PARD3: variants seen among roughly 807,000 people sequenced by gnomAD.
PARD3 encodes the protein partitioning defective 3 homolog.
In PARD3, 75 loss-of-function variants were observed where a neutral mutation model predicts 155.4. That is an observed-to-expected ratio of 0.48 (90% CI 0.40 to 0.58). The LOEUF (loss-of-function observed/expected upper bound fraction) is 0.58, where lower values mean the gene tolerates loss of function less well. Ranked by LOEUF, PARD3 falls within the 20% of genes least tolerant of loss-of-function variation. The pLI is 0.00. For synonymous variants in PARD3, 576 were observed against 610.5 expected (o/e 0.94, Z 0.83); for missense variants, 1,642 against 1,721.7 (o/e 0.95, Z 0.82).
At chr10:34,242,205 T>C (rs1953648280) in intron 22 of PARD3, among the ~76,000 whole-genome samples, 1 of 152,212 alleles carries the variant, frequency 6.6e-6, no homozygotes, top group Admixed American at 6.5e-5. Flanking sequence ...CTTTATGTTT[T>C]TATGCATGCT....
Position 34,354,772 on chromosome 10 carries a change from C to T in PARD3, c.2067+4375G>A, listed in dbSNP as rs73256796. Among the ~76,000 whole-genome samples the T allele has an allele frequency of 3.7e-3, 560 of 152,180 alleles. 1 individual carries two copies. The highest frequency in any genetic ancestry group is 0.013 in the African/African-American group (521 of 41,526). ...AGGTGCTGCAGGGGCTGTAGGGCAC[C>T]GATGACAATCAGGCATGTCCCAGTG... is the stretch of plus-strand genomic sequence containing the variant. On this transcript the variant is annotated intron_variant, in intron 14 of 24. Coordinates refer to ENST00000374788, the MANE Select transcript of PARD3 (RefSeq NM_001184785.2).
At chr10:34,326,277 T>C (rs1431803057) in intron 19 of PARD3, among the ~76,000 whole-genome samples, 2 of 152,168 alleles carry the variant, frequency 1.3e-5, no homozygotes, top group Non-Finnish European at 2.9e-5. Context: ...CATACACCCA[T>C]ACTATGATCA....
chr10:34,126,734 TTAA>T (rs1947309559), intron 23 of PARD3, among the ~76,000 whole-genome samples: 1 of 151,546 alleles, frequency 6.6e-6, no homozygotes, highest in Non-Finnish European at 1.5e-5. Flanking sequence ...GGTATGAAAA[TTAA>T]TACACTAAGT....
chr10:34,579,506 T>C (rs578034245), intron 2 of PARD3, among the ~76,000 whole-genome samples: 8 of 151,736 alleles, frequency 5.3e-5, no homozygotes, highest in East Asian at 3.9e-4. Flanking sequence ...AGAAGCCTAG[T>C]TCACTGTCAG....
chr10:34,434,528 C>T (rs1217170792), intron 5 of PARD3, among the ~76,000 whole-genome samples: 1 of 152,152 alleles, frequency 6.6e-6, no homozygotes, highest in Non-Finnish European at 1.5e-5. Context: ...ACCACTTCAC[C>T]CACGGTGTTC....
At chr10:34,223,902 C>G (rs568923740) in intron 22 of PARD3, among the ~76,000 whole-genome samples, 1 of 152,338 alleles carries the variant, frequency 6.6e-6, no homozygotes, top group South Asian at 2.1e-4. Context: ...GTGGCAGCCC[C>G]TGGATTCTAA....
intron 7 of PARD3, among the ~76,000 whole-genome samples, chr10:34,397,132 T>G (rs1274050083): frequency 4.6e-5 from 7 of 152,212 alleles, no homozygotes; most frequent in Admixed American, 4.6e-4. Flanking sequence ...TGGAAAGGTT[T>G]CTTATGAAGT....
intron 20 of PARD3, among the ~76,000 whole-genome samples, chr10:34,300,408 A>G (rs1957091833): frequency 6.6e-6 from 1 of 152,102 alleles, no homozygotes; most frequent in African/African-American, 2.4e-5. Context: ...TAATCCCAAC[A>G]CTCTGGGAGG....
intron 21 of PARD3, among the ~76,000 whole-genome samples, chr10:34,273,867 G>C (rs1312783408): frequency 6.6e-6 from 1 of 151,954 alleles, no homozygotes; most frequent in Non-Finnish European, 1.5e-5. Flanking sequence ...AAATCTGTCT[G>C]ACTTTTCTTC....
chr10:34,306,850 A>G (rs1301176609), intron 20 of PARD3, among the ~76,000 whole-genome samples: 1 of 152,046 alleles, frequency 6.6e-6, no homozygotes, highest in Non-Finnish European at 1.5e-5. Context: ...TACCCCCAAC[A>G]GAAGTTTCCA....
intron 2 of PARD3, among the ~76,000 whole-genome samples, chr10:34,518,897 T>A (rs1025077897): frequency 6.6e-6 from 1 of 152,202 alleles, no homozygotes; most frequent in African/African-American, 2.4e-5. Context: ...GTGGAGAAAC[T>A]TGGCAGCCAC....
In PARD3 at chr10:34,111,234, G is replaced by C. The variant is rs780025290; in HGVS notation, c.3997C>G (p.Pro1333Ala). 4.3e-6 allele frequency: 7 copies of C among 1,610,932 alleles called. No homozygotes were observed. Among genetic ancestry groups the C allele is most frequent in the Non-Finnish European group, 5.9e-6 (7 of 1,177,560 alleles). ...CTGTTCAGCCTCGCAACCTGAGAAG[G>C]GGAGGGGGGCACATCTTGCCGGAAG... ...GPFRQDVPPS[P>A]SQVARLNRLQ... is the part of the protein sequence containing the mutation. Residue 1333 changes from proline (P) to alanine (A), a missense_variant, in exon 25 of 25, where the codon CCT (proline) becomes GCT (alanine). Physicochemically the swap from Pro to Ala is conservative, Grantham distance 27 (BLOSUM62 -1). Around this residue, in one of 3 missense-constraint regions of PARD3, gnomAD observed 1,529 missense variants for 1,587.3 expected, o/e 0.96. Coordinates refer to ENST00000374788, the MANE Select transcript of PARD3 (RefSeq NM_001184785.2).
chr10:34,702,189 T>A (rs900222343), intron 1 of PARD3, among the ~76,000 whole-genome samples: 5 of 146,060 alleles, frequency 3.4e-5, no homozygotes, highest in Non-Finnish European at 7.4e-5. Flanking sequence ...TAAAACAATT[T>A]TAATATTAAA....
chr10:34,780,535 G>A (rs527967598), intron 1 of PARD3, among the ~76,000 whole-genome samples: 1 of 152,282 alleles, frequency 6.6e-6, no homozygotes, highest in South Asian at 2.1e-4. Flanking sequence ...TTATTTCTTG[G>A]AGGTCATCAG....
chr10:34,481,948 C>G (rs549109630), intron 3 of PARD3, among the ~76,000 whole-genome samples: 67 of 152,110 alleles, frequency 4.4e-4, no homozygotes, highest in Non-Finnish European at 5.9e-4. Context: ...CCACCCGCCA[C>G]AGCCTCCTAT....
At chr10:34,535,362 A>C (rs2083149431) in intron 2 of PARD3, among the ~76,000 whole-genome samples, 1 of 152,234 alleles carries the variant, frequency 6.6e-6, no homozygotes, top group Non-Finnish European at 1.5e-5. Flanking sequence ...ACACAAAGGG[A>C]AACAGGGAAG....
intron 23 of PARD3, 93 bp downstream of exon 23, chr10:34,131,370 C>T: frequency 1.4e-6 from 2 of 1,418,878 alleles, no homozygotes; most frequent in Admixed American, 1.8e-5. Context: ...TCCATCTTGT[C>T]TCGTTTCATA....
intron 9 of PARD3, 64 bp from the exon 10 acceptor site, chr10:34,378,170 G>T: frequency 8.3e-7 from 1 of 1,198,418 alleles, no homozygotes; most frequent in Non-Finnish European, 1.2e-6. Context: ...CAGGTGTATT[G>T]CACCAGTATA....
At chr10:34,264,458 C>T (rs556303226) in intron 22 of PARD3, among the ~76,000 whole-genome samples, 3 of 152,268 alleles carry the variant, frequency 2.0e-5, no homozygotes, top group East Asian at 1.9e-4. Flanking sequence ...AACTTAAACA[C>T]GTAACAAATT....
Sources: allele counts gnomAD v4.1 joint callset (sites outside exome capture counted in the v4.1 genomes callset), GRCh38; gene constraint gnomAD v4.1.1; regional missense constraint gnomAD v4.1.1; transcripts MANE v1.5; gene names NCBI Gene and HGNC (gene_info 2026-07-23, HGNC 2026-07-21).